PAK2: variants seen among roughly 807,000 people sequenced by gnomAD.
The protein encoded by PAK2 is serine/threonine-protein kinase PAK 2.
A neutral mutation model predicts 65.9 loss-of-function variants in PAK2; 21 were observed. The ratio of observed to expected loss-of-function variants is 0.32; its 90% CI spans 0.23 to 0.46. The LOEUF (loss-of-function observed/expected upper bound fraction) is 0.46, where lower values mean the gene tolerates loss of function less well. Ranked by LOEUF, PAK2 falls within the 20% of genes least tolerant of loss-of-function variation. The pLI is 1.00. For synonymous variants in PAK2, 204 were observed against 219.7 expected (o/e 0.93, Z 0.63); for missense variants, 324 against 642.6 (o/e 0.50, Z 5.36).
chr3:196,751,660 A>ATTTATATACAT (rs1713587606), intron 1 of PAK2, among the ~76,000 whole-genome samples: 1 of 40,260 alleles, frequency 2.5e-5, no homozygotes, highest in African/African-American at 2.9e-4. Context: ...AAAACACACA[A>ATTTATATACAT]ATTTATTTAT....
intron 1 of PAK2, among the ~76,000 whole-genome samples, chr3:196,744,292 G>C (rs780332837): frequency 6.6e-6 from 1 of 152,184 alleles, no homozygotes; most frequent in Non-Finnish European, 1.5e-5. Flanking sequence ...AATTACCTTA[G>C]TCTCAGCTGG....
At chr3:196,787,741 T>C (rs1003473576) in intron 2 of PAK2, among the ~76,000 whole-genome samples, 19 of 152,284 alleles carry the variant, frequency 1.2e-4, no homozygotes, top group African/African-American at 4.6e-4. Flanking sequence ...GAGACAGAGA[T>C]GTGTGGAATG....
At chr3:196,786,493 G>GT (rs1714895360) in intron 2 of PAK2, among the ~76,000 whole-genome samples, 1 of 151,902 alleles carries the variant, frequency 6.6e-6, no homozygotes. Flanking sequence ...CGAGCTTTTT[G>GT]TTTTTTAAGA....
rs973136250 is a variant in PAK2, at chr3:196,820,778, G to A, written c.1350+211G>A. Among the ~76,000 whole-genome samples, 2 of 152,166 alleles carry A rather than the reference G, an allele frequency of 1.3e-5. No homozygotes were observed. Among genetic ancestry groups the A allele is most frequent in the Non-Finnish European group, 2.9e-5 (2 of 68,038 alleles). On this transcript the variant is annotated intron_variant, in intron 13 of 14. Transcript: ENST00000327134. This position sits in a 1 kb window ranked among gnomAD's most constrained non-coding sequence, Gnocchi z 4.6. ...CTTTGTAGGTTTTTAGTAGTAAGCT[G>A]TATTGTTTTGTATTTTACGTAGGAA...
rs1292971729 is a variant in PAK2 at position 196,739,962 on chromosome 3, C to T, written c.-217C>T. The stretch of plus-strand genomic sequence containing the variant: ...CCGAAGGCTCCCTCCCCTCCCCTCC[C>T]TGGCGTGCGCAGGACTCCGCCGCCG... On this transcript the variant is annotated 5_prime_UTR_variant, in exon 1 of 15. Transcript: ENST00000327134. The T allele has an allele frequency of 6.6e-6, 1 of 152,142 alleles. No homozygotes were observed. The highest frequency in any genetic ancestry group is 1.5e-5 in the Non-Finnish European group (1 of 68,030). 9.4% of individuals were successfully genotyped at this position (152,142 alleles called of 1,614,324 possible). A position where few individuals can be genotyped will look rare whatever the true frequency, so the allele number is the denominator to read the frequency against.
rs1410303484 is a variant in PAK2, at chr3:196,829,848, T to G, written c.*1443T>G. The G allele has an allele frequency of 6.6e-6, 1 of 152,234 alleles. No homozygotes were observed. Among genetic ancestry groups the G allele is most frequent in the Non-Finnish European group, 1.5e-5 (1 of 68,046 alleles). The allele number at this position is 152,234 out of a possible 1,614,324, so 9.4% of individuals were successfully genotyped here. ...AATAATTTGTTTCTTTTAAAGATTC[T>G]AAAAGGTCTGAGACCTGTAGCATTA... is the stretch of plus-strand genomic sequence containing the variant. On this transcript the variant is annotated 3_prime_UTR_variant, in exon 15 of 15. Coordinates refer to ENST00000327134, the MANE Select transcript of PAK2 (RefSeq NM_002577.4).
chr3:196,759,489 G>GTTTTTTTTTTTTTTTTTTTTTTTTTTTT (rs1418582155), intron 1 of PAK2, among the ~76,000 whole-genome samples: 3 of 98,854 alleles, frequency 3.0e-5, no homozygotes, highest in African/African-American at 8.7e-5. Context: ...CAGTTAAGTG[G>GTTTTTTTTTTTTTTTTTTTTTTTTTTTT]TTTTTTTTGT....
Position 196,806,589 on chromosome 3 carries a change from A to G in PAK2, c.479A>G (p.Lys160Arg), listed in dbSNP as rs1286551225. Reference sequence around the variant, plus strand: ...TCATCATCAATGCAGCTGAATGCCAAGGGAACAGAAGCACCCGCAGTAGTG... The same window carrying G: ...TCATCATCAATGCAGCTGAATGCCAGGGGAACAGAAGCACCCGCAGTAGTG... ...FPSGTPALNA[K>R]GTEAPAVVTE... Residue 160 changes from lysine (K) to arginine (R), a missense_variant, in exon 6 of 15, where the codon AAG (lysine) becomes AGG (arginine). Coordinates refer to ENST00000327134, the MANE Select transcript of PAK2 (RefSeq NM_002577.4). 1 of 1,607,930 alleles carries G rather than the reference A, an allele frequency of 6.2e-7. No homozygotes were observed. Among genetic ancestry groups the G allele is most frequent in the Non-Finnish European group, 8.5e-7 (1 of 1,174,412 alleles).
At chr3:196,769,839 A>G (rs1187975858) in intron 1 of PAK2, among the ~76,000 whole-genome samples, 3 of 151,204 alleles carry the variant, frequency 2.0e-5, no homozygotes, top group Admixed American at 6.6e-5. Flanking sequence ...GAAAAAGAAA[A>G]AGAAATTCCG....
At chr3:196,797,132 A>G (rs906841909) in intron 2 of PAK2, among the ~76,000 whole-genome samples, 1 of 152,214 alleles carries the variant, frequency 6.6e-6, no homozygotes, top group Admixed American at 6.5e-5. Context: ...TAGAATATAC[A>G]TTCTCTTTAA....
chr3:196,746,170 C>T (rs572646086), intron 1 of PAK2, among the ~76,000 whole-genome samples: 1 of 151,696 alleles, frequency 6.6e-6, no homozygotes, highest in African/African-American at 2.4e-5. Context: ...AGTTCCAAGA[C>T]TTGGTTAAAC....
At chr3:196,818,222 CTT>C (rs1348569778) in intron 12 of PAK2, 66 bp downstream of exon 12, 1 of 694,856 alleles carries the variant, frequency 1.4e-6, no homozygotes, top group East Asian at 2.6e-5. Flanking sequence ...TAATTAAAAA[CTT>C]TTCTTGACCA....
chr3:196,827,538 G>A (rs1577757446), intron 14 of PAK2: 2 of 628,360 alleles, frequency 3.2e-6, no homozygotes, highest in Non-Finnish European at 4.0e-6. Context: ...CCACTCATAG[G>A]TGGGAATTGA....
At chr3:196,788,889 G>T (rs1210708664) in intron 2 of PAK2, among the ~76,000 whole-genome samples, 4 of 152,186 alleles carry the variant, frequency 2.6e-5, no homozygotes, top group Non-Finnish European at 4.4e-5. Flanking sequence ...TTACAGCAGG[G>T]TGTATGTAGG....
intron 2 of PAK2, among the ~76,000 whole-genome samples, chr3:196,798,013 A>AGCT (rs1715310196): frequency 6.6e-6 from 1 of 152,220 alleles, no homozygotes; most frequent in Non-Finnish European, 1.5e-5. Context: ...AAAAGATTTT[A>AGCT]AATCAATGAC....
At chr3:196,763,124 A>G (rs1714041516) in intron 1 of PAK2, among the ~76,000 whole-genome samples, 1 of 152,016 alleles carries the variant, frequency 6.6e-6, no homozygotes, top group South Asian at 2.1e-4. Flanking sequence ...TCCAGACCTT[A>G]TTGGAGAGAG....
intron 1 of PAK2, among the ~76,000 whole-genome samples, chr3:196,771,112 T>C (rs950966131): frequency 1.3e-5 from 2 of 151,784 alleles, no homozygotes; most frequent in African/African-American, 4.9e-5. Flanking sequence ...TCTGGTCTTT[T>C]AAAAAAAACA....
At chr3:196,767,573 C>T (rs1164305976) in intron 1 of PAK2, among the ~76,000 whole-genome samples, 2 of 150,690 alleles carry the variant, frequency 1.3e-5, no homozygotes, top group East Asian at 1.9e-4. Context: ...ACTGCAACCT[C>T]CGCCTCCCGG....
At chr3:196,746,192 C>T (rs1037900318) in intron 1 of PAK2, among the ~76,000 whole-genome samples, 9 of 151,974 alleles carry the variant, frequency 5.9e-5, no homozygotes, top group African/African-American at 2.2e-4. Context: ...AGAGACGTGT[C>T]GTTGTCTTGA....
Sources: gnomAD v4.1 joint callset for allele counts (sites outside exome capture counted in the v4.1 genomes callset) on GRCh38, gnomAD v4.1.1 for gene constraint, Gnocchi (gnomAD v3.1) non-coding constraint, MANE v1.5 for transcripts, NCBI Gene and HGNC (gene_info 2026-07-23, HGNC 2026-07-21) for gene names.